SORCS2: variants seen among roughly 807,000 people sequenced by gnomAD.
The protein encoded by SORCS2 is sortilin related VPS10 domain containing receptor 2.
SORCS2 carries 100 observed loss-of-function variants against 141.6 expected under a neutral mutation model. The ratio of observed to expected loss-of-function variants is 0.71; its 90% CI spans 0.60 to 0.83. The LOEUF (loss-of-function observed/expected upper bound fraction) is 0.83, where lower values mean the gene tolerates loss of function less well. Ranked by LOEUF, SORCS2 falls within the 40% of genes least tolerant of loss-of-function variation. The probability of loss-of-function intolerance (pLI) is 0.00; values close to 1 mark genes in which losing one functional copy is unlikely to be tolerated. For missense variants in SORCS2, 1,646 were observed against 1,560.2 expected (o/e 1.05, Z -0.93); for synonymous variants, 789 against 676.9 (o/e 1.17, Z -2.57).
chr4:7,434,531 C>T (rs774149954), intron 2 of SORCS2: 2 of 1,613,078 alleles, frequency 1.2e-6, no homozygotes, highest in Non-Finnish European at 1.7e-6. Context: ...CTCAGGATGG[C>T]CGAACTGTGG....
Position 7,706,141 on chromosome 4 carries a change from A to G in SORCS2, c.1868+1857A>G, listed in dbSNP as rs1393324457. Among the ~76,000 whole-genome samples the G allele has an allele frequency of 2.8e-4, 27 of 95,202 alleles. 1 individual carries two copies. The highest frequency in any genetic ancestry group is 5.8e-4 in the Admixed American group (5 of 8,558). The allele number at this position is 95,202 out of a possible 152,430, so 62.5% of individuals were successfully genotyped here. A position where few individuals can be genotyped will look rare whatever the true frequency, so the allele number is the denominator to read the frequency against. ...AGGGATGAGGCTGGGCTCCGCCTGG[A>G]CAGAGAAGAGGCTGGGCTCCGTCTG... On this transcript the variant is annotated intron_variant, in intron 14 of 26. Coordinates refer to ENST00000507866, the MANE Select transcript of SORCS2 (RefSeq NM_020777.3).
At chr4:7,370,445 T>C (rs1321218950) in intron 1 of SORCS2, among the ~76,000 whole-genome samples, 1 of 152,242 alleles carries the variant, frequency 6.6e-6, no homozygotes, top group Non-Finnish European at 1.5e-5. Context: ...TCTGGGATCG[T>C]CATCATTATA....
chr4:7,549,731 C>A (rs530923338), intron 3 of SORCS2, among the ~76,000 whole-genome samples: 3 of 152,348 alleles, frequency 2.0e-5, no homozygotes, highest in Non-Finnish European at 2.9e-5. Context: ...TGCGCACACA[C>A]AGAGTTCCTC....
chr4:7,544,352 A>G (rs1484579191), intron 3 of SORCS2, among the ~76,000 whole-genome samples: 3 of 152,172 alleles, frequency 2.0e-5, no homozygotes, highest in African/African-American at 7.2e-5. Context: ...TTCCTTGTTG[A>G]TTAGGTGATG....
intron 2 of SORCS2, among the ~76,000 whole-genome samples, chr4:7,430,097 G>T (rs1378570130): frequency 2.6e-5 from 4 of 152,142 alleles, no homozygotes; most frequent in African/African-American, 9.7e-5. Flanking sequence ...ATCCCTGGAG[G>T]TCACGGGAAG....
At chr4:7,602,274 G>A (rs184537954) in intron 3 of SORCS2, among the ~76,000 whole-genome samples, 1,900 of 151,406 alleles carry the variant, frequency 0.013, 59 homozygotes, top group African/African-American at 0.044. Context: ...CCTCCCTCCC[G>A]GACGGGGTGG....
intron 1 of SORCS2, among the ~76,000 whole-genome samples, chr4:7,329,874 A>G (rs1719535127): frequency 6.6e-6 from 1 of 152,116 alleles, no homozygotes; most frequent in South Asian, 2.1e-4. Context: ...TTGACTCAGG[A>G]TATTTGCAAT....
chr4:7,239,967 T>G (rs1389730081), intron 1 of SORCS2, among the ~76,000 whole-genome samples: 1 of 152,140 alleles, frequency 6.6e-6, no homozygotes, highest in African/African-American at 2.4e-5. Context: ...CAGCCCTGAG[T>G]GTCTCGTGGT....
intron 8 of SORCS2, among the ~76,000 whole-genome samples, chr4:7,671,361 C>A (rs1577923867): frequency 6.6e-6 from 1 of 151,680 alleles, no homozygotes; most frequent in Non-Finnish European, 1.5e-5. Flanking sequence ...AATAAATTAA[C>A]ATAAACCTTC....
chr4:7,228,845 G>A (rs1291728011), intron 1 of SORCS2, among the ~76,000 whole-genome samples: 1 of 152,210 alleles, frequency 6.6e-6, no homozygotes, highest in Non-Finnish European at 1.5e-5. Flanking sequence ...AAACAGGGGA[G>A]TGCCCCATGG....
chr4:7,687,070 A>G (rs899337976), intron 10 of SORCS2, among the ~76,000 whole-genome samples: 4 of 152,232 alleles, frequency 2.6e-5, no homozygotes, highest in African/African-American at 9.6e-5. Flanking sequence ...CTGTGCACGC[A>G]GCAAGTGACC....
intron 2 of SORCS2, among the ~76,000 whole-genome samples, chr4:7,444,723 G>C (rs892273875): frequency 6.6e-6 from 1 of 152,232 alleles, no homozygotes; most frequent in African/African-American, 2.4e-5. Context: ...GAAGCAGGGA[G>C]CATGCCGAGG....
At chr4:7,469,236 G>A (rs1348626617) in intron 2 of SORCS2, among the ~76,000 whole-genome samples, 4 of 152,000 alleles carry the variant, frequency 2.6e-5, no homozygotes, top group Non-Finnish European at 5.9e-5. Flanking sequence ...TGGTGATAGT[G>A]ATGATGGTGA....
At chr4:7,338,595 G>A (rs954272080) in intron 1 of SORCS2, among the ~76,000 whole-genome samples, 1 of 152,170 alleles carries the variant, frequency 6.6e-6, no homozygotes, top group Non-Finnish European at 1.5e-5. Context: ...GGGGTTCTGG[G>A]ACTCTTGATA....
chr4:7,528,898 C>T (rs535970709), intron 2 of SORCS2, among the ~76,000 whole-genome samples: 85 of 152,300 alleles, frequency 5.6e-4, no homozygotes, highest in Admixed American at 1.3e-3. Context: ...TCCCAGCATC[C>T]GGTGGCTGCC....
intron 10 of SORCS2, among the ~76,000 whole-genome samples, chr4:7,688,472 A>C: frequency 6.6e-6 from 1 of 152,262 alleles, no homozygotes; most frequent in Non-Finnish European, 1.5e-5. Context: ...ACAATTGGGC[A>C]GTATCTTGCC....
At chr4:7,219,065 C>T (rs1728544280) in intron 1 of SORCS2, among the ~76,000 whole-genome samples, 2 of 152,160 alleles carry the variant, frequency 1.3e-5, no homozygotes, top group African/African-American at 2.4e-5. Context: ...GGCTCCTACT[C>T]ATTTTGGGGA....
chr4:7,574,761 T>G (rs551388045), intron 3 of SORCS2, among the ~76,000 whole-genome samples: 2 of 152,232 alleles, frequency 1.3e-5, no homozygotes, highest in East Asian at 3.9e-4. Context: ...GAAGGGCGGC[T>G]CCTCTGACTG....
At chr4:7,312,957 A>T (rs1718286144) in intron 1 of SORCS2, among the ~76,000 whole-genome samples, 2 of 152,220 alleles carry the variant, frequency 1.3e-5, no homozygotes, top group Non-Finnish European at 2.9e-5. Flanking sequence ...CTGTCCTGAT[A>T]GCTGGCTCCA....
Sources: gnomAD v4.1 joint callset for allele counts (sites outside exome capture counted in the v4.1 genomes callset) on GRCh38, gnomAD v4.1.1 for gene constraint, MANE v1.5 for transcripts, NCBI Gene and HGNC (gene_info 2026-07-23, HGNC 2026-07-21) for gene names.